Variants in TENM3 observed in about 807,000 individuals in gnomAD.
The protein encoded by TENM3 is teneurin-3.
TENM3 carries 63 observed loss-of-function variants against 255.1 expected under a neutral mutation model. The observed-to-expected ratio is 0.25, with a 90% CI of 0.20 to 0.30. The LOEUF (loss-of-function observed/expected upper bound fraction) is 0.30. Ranked by LOEUF, TENM3 falls within the 10% of genes least tolerant of loss-of-function variation. TENM3 has a pLI of 1.00. For synonymous variants in TENM3, 1,306 were observed against 1,322.3 expected, an observed-to-expected ratio of 0.99 and a Z score of 0.27; for missense variants, 2,929 against 3,461.1, an observed-to-expected ratio of 0.85 and a Z score of 3.86.
the TENM3 span, among the ~76,000 whole-genome samples, chr4:182,127,811 A>G: frequency 6.6e-6 from 1 of 152,218 alleles, no homozygotes; most frequent in African/African-American, 2.4e-5. Flanking sequence ...AAACTAGCAT[A>G]TTCAGAAAAG....
At position 182,799,164 on chromosome 4, in the gene TENM3, G is replaced by T. The variant is rs1391810768; in HGVS notation, c.7345-432G>T. ...CATACGAAGCGGGGCCCTGTGATCG[G>T]CACTAAGTATCCCCAGCCGTTCAGA... is the stretch of plus-strand genomic sequence containing the variant. On this transcript the variant is annotated intron_variant, in intron 27 of 27. Transcript: ENST00000511685. The surrounding 1 kb of genome is among the most constrained non-coding windows in gnomAD (Gnocchi z 4.2). 6.6e-6 allele frequency among the ~76,000 whole-genome samples: 1 copy of T among 152,164 alleles called. No homozygotes were observed. Among genetic ancestry groups the T allele is most frequent in the African/African-American group, 2.4e-5 (1 of 41,444 alleles).
At chr4:181,913,473 C>A in the TENM3 span, among the ~76,000 whole-genome samples, 1 of 152,104 alleles carries the variant, frequency 6.6e-6, no homozygotes, top group Non-Finnish European at 1.5e-5. Context: ...TATTCCTAAC[C>A]CAGTAGTCCC....
At chr4:181,559,981 G>A in the TENM3 span, among the ~76,000 whole-genome samples, 1 of 152,294 alleles carries the variant, frequency 6.6e-6, no homozygotes, top group South Asian at 2.1e-4. Context: ...TAAATGTCAT[G>A]GCCTTCATTT....
chr4:181,945,725 A>G, the TENM3 span, among the ~76,000 whole-genome samples: 1 of 152,192 alleles, frequency 6.6e-6, no homozygotes. Context: ...TTAATTATCT[A>G]CAAAATACAT....
At chr4:182,186,690 A>G (rs79534809) in intron 1 of TENM3, among the ~76,000 whole-genome samples, 6,848 of 145,110 alleles carry the variant, frequency 0.047, 231 homozygotes, top group Non-Finnish European at 0.069. Context: ...CATGTCAGTG[A>G]GATAGATGGA....
the TENM3 span, among the ~76,000 whole-genome samples, chr4:181,534,226 A>G: frequency 7.4e-6 from 1 of 135,496 alleles, no homozygotes; most frequent in South Asian, 2.5e-4. Flanking sequence ...CAAGACTGAG[A>G]CTCCACCTCA....
chr4:181,881,203 A>G, the TENM3 span, among the ~76,000 whole-genome samples: 3 of 152,102 alleles, frequency 2.0e-5, no homozygotes, highest in Non-Finnish European at 4.4e-5. Context: ...CAAGAATAGC[A>G]CAATTTAGGA....
the TENM3 span, among the ~76,000 whole-genome samples, chr4:182,088,711 G>A: frequency 1.3e-5 from 2 of 151,976 alleles, no homozygotes; most frequent in African/African-American, 4.8e-5. Flanking sequence ...GCAAGCGCCT[G>A]TAGTCCCAGC....
intron 5 of TENM3, among the ~76,000 whole-genome samples, chr4:182,629,977 A>C (rs1751204561): frequency 6.6e-6 from 1 of 152,192 alleles, no homozygotes; most frequent in African/African-American, 2.4e-5. Context: ...GACAAGTTAT[A>C]CAGTATTTTT....
chr4:182,324,834 TC>T (rs1368739808), intron 2 of TENM3, among the ~76,000 whole-genome samples: 1 of 152,214 alleles, frequency 6.6e-6, no homozygotes, highest in Non-Finnish European at 1.5e-5. Flanking sequence ...CTTCCTAGTT[TC>T]CCACAATGTA....
the TENM3 span, among the ~76,000 whole-genome samples, chr4:182,076,478 A>C: frequency 0.21 from 31,965 of 152,078 alleles, 3,634 homozygotes; most frequent in Non-Finnish European, 0.25. Flanking sequence ...CTGGGATTAC[A>C]GGCGTGAGCC....
At chr4:181,453,684 G>C in the TENM3 span, among the ~76,000 whole-genome samples, 1 of 152,132 alleles carries the variant, frequency 6.6e-6, no homozygotes, top group Non-Finnish European at 1.5e-5. Flanking sequence ...TGCAAAGCAG[G>C]GATGTTCATA....
At chr4:182,157,436 A>G (rs1434967686) in intron 1 of TENM3, among the ~76,000 whole-genome samples, 2 of 152,226 alleles carry the variant, frequency 1.3e-5, no homozygotes, top group African/African-American at 4.8e-5. Context: ...TGTTCTCAGT[A>G]GAGCCTCAGC....
At chr4:182,181,054 C>T (rs1424205952) in intron 1 of TENM3, among the ~76,000 whole-genome samples, 1 of 151,652 alleles carries the variant, frequency 6.6e-6, no homozygotes, top group African/African-American at 2.4e-5. Flanking sequence ...CTAGAGATAA[C>T]CTAGTTTTTC....
At chr4:182,204,457 A>G (rs569685462) in intron 1 of TENM3, among the ~76,000 whole-genome samples, 4 of 152,186 alleles carry the variant, frequency 2.6e-5, no homozygotes, top group Non-Finnish European at 5.9e-5. Flanking sequence ...TTTATTTTGA[A>G]AATACCCTTG....
At chr4:182,140,676 G>A (rs909872693), upstream of TENM3, among the ~76,000 whole-genome samples, 2 of 152,190 alleles carry the variant, frequency 1.3e-5, no homozygotes, top group Non-Finnish European at 2.9e-5. Context: ...GGAAGTGGCT[G>A]CGGAGACCCT....
intron 3 of TENM3, among the ~76,000 whole-genome samples, chr4:182,491,247 G>A (rs1410799475): frequency 6.6e-6 from 1 of 152,184 alleles, no homozygotes; most frequent in Non-Finnish European, 1.5e-5. Context: ...CTTAGGAGAT[G>A]TTTATTAATC....
chr4:182,738,294 C>T lies in TENM3; in HGVS notation c.3236-107C>T, dbSNP rs1761326929. On this transcript the variant is annotated intron_variant, in intron 17 of 27. Transcript: ENST00000511685. The stretch of plus-strand genomic sequence containing the variant: ...AACTGCTCATAAATAAGTGGAAATA[C>T]AGTCTCAGAACACAGATGTGAAAAA... The T allele has an allele frequency of 1.2e-5, 11 of 888,604 alleles. No individual in the cohort carries two copies. In the South Asian group the frequency reaches 2.0e-4, roughly 16 times the overall value. The allele number at this position is 888,604 out of a possible 1,614,324, so 55.0% of individuals were successfully genotyped here. A position where few individuals can be genotyped will look rare whatever the true frequency, so the allele number is the denominator to read the frequency against.
At chr4:182,321,008 G>T (rs1763014439) in intron 1 of TENM3, among the ~76,000 whole-genome samples, 2 of 152,162 alleles carry the variant, frequency 1.3e-5, no homozygotes, top group Admixed American at 1.3e-4. Flanking sequence ...TTTAGGGCAA[G>T]AAATGAAACT....
Sources: allele counts gnomAD v4.1 joint callset (sites outside exome capture counted in the v4.1 genomes callset), GRCh38; gene constraint gnomAD v4.1.1; non-coding constraint Gnocchi (gnomAD v3.1); transcripts MANE v1.5; gene names NCBI Gene and HGNC (gene_info 2026-07-23, HGNC 2026-07-21).